OSBPL6: variants seen among roughly 807,000 people sequenced by gnomAD.
The protein encoded by OSBPL6 is oxysterol binding protein like 6.
OSBPL6 carries 49 observed loss-of-function variants against 125.8 expected under a neutral mutation model. The ratio of observed to expected loss-of-function variants is 0.39; its 90% CI spans 0.31 to 0.49. The LOEUF (loss-of-function observed/expected upper bound fraction) is 0.49. Among genes scored for constraint, OSBPL6 ranks in the 20% least tolerant of loss-of-function variants. The probability of loss-of-function intolerance (pLI) is 0.88; values close to 1 mark genes in which losing one functional copy is unlikely to be tolerated. For missense variants in OSBPL6, 986 were observed against 1,135.4 expected, an observed-to-expected ratio of 0.87 and a Z score of 1.89; for synonymous variants, 394 against 391.8, an observed-to-expected ratio of 1.01 and a Z score of -0.07.
At chr2:178,336,158 C>T (rs1689665409) in intron 8 of OSBPL6, 143 bp from the exon 9 acceptor site, 1 of 1,070,074 alleles carries the variant, frequency 9.3e-7, no homozygotes, top group African/African-American at 1.6e-5. Flanking sequence ...GCACAAACCA[C>T]ATTTAGCCAA....
chr2:178,357,649 G>A (rs1691932999), intron 12 of OSBPL6, among the ~76,000 whole-genome samples: 1 of 152,208 alleles, frequency 6.6e-6, no homozygotes, highest in South Asian at 2.1e-4. Flanking sequence ...GTGTAAATTA[G>A]TTCAACCATT....
At chr2:178,320,553 G>A (rs1022852435) in intron 3 of OSBPL6, 19 of 760,236 alleles carry the variant, frequency 2.5e-5, no homozygotes, top group South Asian at 3.7e-5. Context: ...CTTACATAAT[G>A]TGTGTAACAC....
intron 12 of OSBPL6, among the ~76,000 whole-genome samples, chr2:178,352,908 A>G (rs545202172): frequency 3.4e-4 from 52 of 152,326 alleles, no homozygotes; most frequent in Non-Finnish European, 6.8e-4. Flanking sequence ...ATCAGGCAGC[A>G]ATATTTGCTG....
chr2:178,378,324 A>G (rs1468567518), intron 15 of OSBPL6, among the ~76,000 whole-genome samples: 1 of 152,230 alleles, frequency 6.6e-6, no homozygotes, highest in Non-Finnish European at 1.5e-5. Flanking sequence ...CAGGTACTCA[A>G]TAAATATCTG....
chr2:178,343,531 A>G (rs958576070), intron 11 of OSBPL6, among the ~76,000 whole-genome samples: 36 of 152,208 alleles, frequency 2.4e-4, no homozygotes, highest in Non-Finnish European at 5.9e-5. Context: ...AGAAAGCTGT[A>G]GGATTCTTCT....
At chr2:178,328,660 T>G (rs2366164) in intron 5 of OSBPL6, among the ~76,000 whole-genome samples, 7,437 of 152,116 alleles carry the variant, frequency 0.049, 239 homozygotes, top group South Asian at 0.15. Context: ...ACTAATTTTT[T>G]TATTTTTAGT....
chr2:178,201,005 A>G (rs533748919), intron 1 of OSBPL6, among the ~76,000 whole-genome samples: 113 of 152,218 alleles, frequency 7.4e-4, no homozygotes, highest in Non-Finnish European at 1.3e-3. Context: ...CGTGTTAGCC[A>G]GGATGGTCTT....
At chr2:178,209,439 C>CTTTTTTTTTTT (rs71850875) in intron 1 of OSBPL6, among the ~76,000 whole-genome samples, 6 of 95,710 alleles carry the variant, frequency 6.3e-5, no homozygotes, top group Admixed American at 1.1e-4. Flanking sequence ...TTCTTTCTTT[C>CTTTTTTTTTTT]TTTTTTTTTT....
At chr2:178,331,453 T>C (rs577733791) in intron 5 of OSBPL6, 99 bp from the exon 6 acceptor site, 1 of 1,220,716 alleles carries the variant, frequency 8.2e-7, no homozygotes, top group Admixed American at 1.7e-5. Flanking sequence ...TGATCAAACA[T>C]ATTGATTAAT....
At chr2:178,305,511 G>T (rs1686679659) in intron 2 of OSBPL6, among the ~76,000 whole-genome samples, 1 of 152,178 alleles carries the variant, frequency 6.6e-6, no homozygotes, top group Non-Finnish European at 1.5e-5. Context: ...TAGTTTTGAG[G>T]TACAAATAAA....
At chr2:178,218,551 A>C (rs1465959844) in intron 1 of OSBPL6, among the ~76,000 whole-genome samples, 1 of 151,478 alleles carries the variant, frequency 6.6e-6, no homozygotes, top group African/African-American at 2.4e-5. Context: ...TCTCCTTACC[A>C]TCTTTTCCAT....
At position 178,344,495 on chromosome 2, in the gene OSBPL6, A is replaced by G. The variant is rs527390381; in HGVS notation, c.988-4729A>G. The G allele has an allele frequency of 1.1e-4, 88 of 774,902 alleles. No homozygotes were observed. The African/African-American group carries it at 1.4e-3, about 12-fold the overall frequency. 48.0% of individuals were successfully genotyped at this position (774,902 alleles called of 1,614,324 possible). On this transcript the variant is annotated intron_variant, in intron 11 of 24. Transcript: ENST00000190611. ...GCCCAATCATGGCAGCATAGCTTTC[A>G]CATGTTCTCTGGCTGTCTTTGCATG...
At chr2:178,266,994 A>G (rs1409114230) in intron 1 of OSBPL6, among the ~76,000 whole-genome samples, 1 of 152,204 alleles carries the variant, frequency 6.6e-6, no homozygotes, top group East Asian at 1.9e-4. Flanking sequence ...GGTCTTGAGC[A>G]GCATGGGGAG....
intron 12 of OSBPL6, among the ~76,000 whole-genome samples, chr2:178,350,351 G>T (rs547251539): frequency 6.6e-6 from 1 of 152,068 alleles, no homozygotes; most frequent in Non-Finnish European, 1.5e-5. Flanking sequence ...CTTCTCAGGC[G>T]TTGTCTTTTA....
chr2:178,226,345 C>T (rs2090561401), intron 1 of OSBPL6, among the ~76,000 whole-genome samples: 1 of 151,864 alleles, frequency 6.6e-6, no homozygotes. Context: ...AGTCACCTTC[C>T]ATGCTGGTGG....
intron 1 of OSBPL6, among the ~76,000 whole-genome samples, chr2:178,230,675 G>A (rs1312161155): frequency 6.6e-6 from 1 of 152,108 alleles, no homozygotes; most frequent in East Asian, 1.9e-4. Flanking sequence ...ACAAGTATGA[G>A]TATCCTAAAC....
chr2:178,287,765 G>T (rs1446955120), intron 2 of OSBPL6, among the ~76,000 whole-genome samples: 1 of 151,704 alleles, frequency 6.6e-6, no homozygotes, highest in East Asian at 1.9e-4. Context: ...AGGAATTAAA[G>T]AGTATGTGTG....
intron 2 of OSBPL6, among the ~76,000 whole-genome samples, chr2:178,302,070 A>G (rs1359680500): frequency 1.3e-5 from 2 of 152,106 alleles, no homozygotes; most frequent in Non-Finnish European, 2.9e-5. Context: ...CATACAATTT[A>G]TGATGCCTTT....
intron 1 of OSBPL6, among the ~76,000 whole-genome samples, chr2:178,271,835 T>C (rs1272222833): frequency 4.6e-5 from 7 of 152,170 alleles, no homozygotes; most frequent in African/African-American, 1.7e-4. Context: ...TGTGATATTC[T>C]AGACTGAATG....
Sources: allele counts gnomAD v4.1 joint callset (sites outside exome capture counted in the v4.1 genomes callset), GRCh38; gene constraint gnomAD v4.1.1; transcripts MANE v1.5; gene names NCBI Gene and HGNC (gene_info 2026-07-23, HGNC 2026-07-21).